Variants in DST observed in about 807,000 individuals in gnomAD.
DST encodes the protein bullous pemphigoid antigen.
DST carries 253 observed loss-of-function variants against 875.2 expected under a neutral mutation model. The observed-to-expected ratio is 0.29, with a 90% CI of 0.26 to 0.32. DST has a LOEUF of 0.32. Ranked by LOEUF, DST falls within the 10% of genes least tolerant of loss-of-function variation. The pLI, the probability that DST is intolerant of heterozygous loss-of-function variation, is 1.00. For missense variants in DST, 8,287 were observed against 9,111.6 expected (o/e 0.91, Z 3.68); for synonymous variants, 3,124 against 3,197.1 (o/e 0.98, Z 0.77).
chr6:56,523,705 T>A (rs1312135223), intron 69 of DST, among the ~76,000 whole-genome samples: 1 of 152,128 alleles, frequency 6.6e-6, no homozygotes, highest in Non-Finnish European at 1.5e-5. Flanking sequence ...GAACACCTAG[T>A]CATTGAAAAT....
intron 100 of DST, 103 bp downstream of exon 100, chr6:56,464,582 G>A (rs1024069231): frequency 8.3e-6 from 7 of 844,372 alleles, no homozygotes; most frequent in African/African-American, 6.8e-5. Context: ...AGCCATACGC[G>A]ATGGATGAAG....
intron 4 of DST, among the ~76,000 whole-genome samples, chr6:56,769,945 A>G (rs2099645133): frequency 6.6e-6 from 1 of 152,270 alleles, no homozygotes; most frequent in Admixed American, 6.5e-5. Context: ...GGATACTAAA[A>G]GTAGAAATAA....
At chr6:56,929,032 T>C (rs906327603) in intron 2 of DST, among the ~76,000 whole-genome samples, 21 of 152,260 alleles carry the variant, frequency 1.4e-4, no homozygotes, top group African/African-American at 4.3e-4. Context: ...CCTTTGGAAT[T>C]AGACAACCCA....
chr6:56,780,109 T>C (rs1260852619), intron 4 of DST, among the ~76,000 whole-genome samples: 1 of 152,006 alleles, frequency 6.6e-6, no homozygotes, highest in Admixed American at 6.5e-5. Flanking sequence ...CCACATATTC[T>C]GAATCCAGTC....
At chr6:56,485,046 T>C (rs1416652168) in intron 88 of DST, 3 of 368,752 alleles carry the variant, frequency 8.1e-6, no homozygotes, top group Admixed American at 8.9e-5. Flanking sequence ...CACCAGAGAA[T>C]GAAATCACTT....
intron 2 of DST, among the ~76,000 whole-genome samples, chr6:56,947,828 T>C (rs1441020113): frequency 1.3e-5 from 2 of 151,528 alleles, no homozygotes; most frequent in Non-Finnish European, 2.9e-5. Flanking sequence ...TGCTCTCATT[T>C]CTCTGAATCT....
intron 9 of DST, among the ~76,000 whole-genome samples, chr6:56,697,112 TC>T: frequency 6.6e-6 from 1 of 152,152 alleles, no homozygotes; most frequent in Non-Finnish European, 1.5e-5. Flanking sequence ...TAAGTGCTTT[TC>T]CCCCTAGCAT....
intron 57 of DST, among the ~76,000 whole-genome samples, chr6:56,560,840 G>A (rs1442736909): frequency 6.6e-6 from 1 of 152,120 alleles, no homozygotes; most frequent in East Asian, 1.9e-4. Context: ...GAATTCAAAT[G>A]TAGGTTGGTA....
At chr6:56,776,040 T>TA (rs1354462121) in intron 4 of DST, among the ~76,000 whole-genome samples, 1 of 152,208 alleles carries the variant, frequency 6.6e-6, no homozygotes, top group African/African-American at 2.4e-5. Context: ...CGCAGTCAGG[T>TA]AATCAAGGAT....
chr6:56,702,452 C>T (rs1451525533), intron 7 of DST, among the ~76,000 whole-genome samples: 1 of 151,632 alleles, frequency 6.6e-6, no homozygotes, highest in Admixed American at 6.6e-5. Context: ...AAGTAGCATG[C>T]AGTTAGTATA....
At chr6:56,841,202 T>A (rs907515576) in intron 4 of DST, among the ~76,000 whole-genome samples, 1 of 152,210 alleles carries the variant, frequency 6.6e-6, no homozygotes, top group African/African-American at 2.4e-5. Context: ...AAATCATAAC[T>A]GGCTTCAAAA....
chr6:56,892,631 C>T (rs540460203), intron 3 of DST, among the ~76,000 whole-genome samples: 1 of 152,226 alleles, frequency 6.6e-6, no homozygotes, highest in East Asian at 1.9e-4. Flanking sequence ...CAGCACTACC[C>T]ATATTTTAAA....
rs560864941 is a variant in DST, at chr6:56,861,122, G to C, written c.418-9518C>G. On this transcript the variant is annotated intron_variant, in intron 3 of 103. Coordinates refer to ENST00000680361, the MANE Select transcript of DST (RefSeq NM_001374736.1). ...TTCATTAATGAGACTTCAGAAAATT[G>C]CTTTTGATAATAGCTTTTACACACT... Among the ~76,000 whole-genome samples the C allele has an allele frequency of 2.6e-4, 40 of 152,078 alleles. 1 individual carries two copies. In the South Asian group the frequency reaches 7.5e-3, roughly 29 times the overall value.
In DST at chr6:56,670,723, C is replaced by A; in HGVS notation, c.1132G>T (p.Gly378Cys). The change falls in exon 10 of 104, where the codon GGT becomes TGT. Residue 378 changes from glycine (G) to cysteine (C), a missense_variant. Transcript: ENST00000680361. ...LLLWTQQATE[G>C]YAGIRCENFT... ...TTTTCACACCGAATTCCAGCATAAC[C>A]CTCTGTTGCCTGCTGCGTCCAGAGT... 1 of 1,610,384 alleles carries A rather than the reference C, an allele frequency of 6.2e-7. No homozygotes were observed.
chr6:56,506,307 A>G, intron 77 of DST, 136 bp downstream of exon 77: 1 of 624,612 alleles, frequency 1.6e-6, no homozygotes, highest in Non-Finnish European at 2.7e-6. Context: ...AATGAGATAC[A>G]CAGGCAACTG....
chr6:56,557,370 C>T lies in DST; in HGVS notation c.14589G>A (p.Gly4863=), dbSNP rs893876713. Residue 4863 remains glycine (G), a synonymous_variant, in exon 59 of 104, where the codon GGG becomes GGA. Coordinates refer to ENST00000680361, the MANE Select transcript of DST (RefSeq NM_001374736.1). ...GCATATTTGGGTCAATTGACAAGGG[C>T]CCAAGAACACTGACCATAAGTTCTT... The part of the protein sequence containing the change: ...VEKELMVSVL[G]PLSIDPNMLN... 6.2e-7 allele frequency: 1 copy of T among 1,613,664 alleles called. No homozygotes were observed. The highest frequency in any genetic ancestry group is 8.5e-7 in the Non-Finnish European group (1 of 1,179,700).
chr6:56,641,842 A>C, intron 17 of DST, 105 bp downstream of exon 17: 1 of 923,082 alleles, frequency 1.1e-6, no homozygotes, highest in Non-Finnish European at 1.6e-6. Context: ...AAAAACAGCA[A>C]AGAAATATAT....
intron 2 of DST, among the ~76,000 whole-genome samples, chr6:56,941,317 G>A (rs1816427935): frequency 6.6e-6 from 1 of 152,086 alleles, no homozygotes; most frequent in Admixed American, 6.6e-5. Flanking sequence ...TTATTTAGAA[G>A]AATGTTATTT....
chr6:56,683,281 C>G (rs1415884887), intron 9 of DST, among the ~76,000 whole-genome samples: 1 of 152,128 alleles, frequency 6.6e-6, no homozygotes, highest in Admixed American at 6.5e-5. Context: ...CGTGATACAC[C>G]TCGAATAATA....
Sources: gnomAD v4.1 joint callset for allele counts (sites outside exome capture counted in the v4.1 genomes callset) on GRCh38, gnomAD v4.1.1 for gene constraint, MANE v1.5 for transcripts, NCBI Gene and HGNC (gene_info 2026-07-23, HGNC 2026-07-21) for gene names.